Variants in GRM8 observed in about 807,000 individuals in gnomAD.
GRM8 encodes the protein glutamate metabotropic receptor 8, also known as metabotropic glutamate receptor 8.
Under a neutral mutation model 87.2 loss-of-function variants are expected in GRM8, and 47 were observed. That is an observed-to-expected ratio of 0.54 (90% CI 0.43 to 0.69). The LOEUF (loss-of-function observed/expected upper bound fraction) is 0.69. Among genes scored for constraint, GRM8 ranks in the 30% least tolerant of loss-of-function variants. The pLI, the probability that GRM8 is intolerant of heterozygous loss-of-function variation, is 0.00. For missense variants in GRM8, 1,019 were observed against 1,139.2 expected (o/e 0.89, Z 1.52); for synonymous variants, 396 against 404.5 (o/e 0.98, Z 0.25).
intron 7 of GRM8, among the ~76,000 whole-genome samples, chr7:126,616,854 T>A (rs577584079): frequency 1.3e-5 from 2 of 152,144 alleles, no homozygotes; most frequent in African/African-American, 4.8e-5. Flanking sequence ...AACAGACCAA[T>A]AACAGGCTCT....
At chr7:126,951,222 C>A (rs1373292133) in intron 3 of GRM8, among the ~76,000 whole-genome samples, 8 of 151,952 alleles carry the variant, frequency 5.3e-5, no homozygotes, top group Admixed American at 6.6e-5. Context: ...ACATAACTGC[C>A]CATTTGTACA....
At chr7:127,083,076 G>A (rs943410986) in intron 3 of GRM8, among the ~76,000 whole-genome samples, 1 of 152,160 alleles carries the variant, frequency 6.6e-6, no homozygotes, top group Non-Finnish European at 1.5e-5. Flanking sequence ...AATAATATTT[G>A]TCCACATACC....
At chr7:126,696,429 G>A (rs993002485) in intron 7 of GRM8, among the ~76,000 whole-genome samples, 2 of 151,930 alleles carry the variant, frequency 1.3e-5, no homozygotes, top group African/African-American at 4.8e-5. Context: ...TCCCCTCCCT[G>A]TATCCATCTG....
At chr7:126,475,885 G>A (rs906455551) in intron 9 of GRM8, among the ~76,000 whole-genome samples, 4 of 152,126 alleles carry the variant, frequency 2.6e-5, no homozygotes, top group African/African-American at 4.8e-5. Context: ...CCAACAAATG[G>A]TGGTGGGAAA....
chr7:127,138,826 A>G (rs1396530717), intron 2 of GRM8, among the ~76,000 whole-genome samples: 1 of 152,100 alleles, frequency 6.6e-6, no homozygotes, highest in African/African-American at 2.4e-5. Context: ...CACCCTCTCT[A>G]TCTTAAACAA....
chr7:127,026,703 A>T (rs554381649), intron 3 of GRM8, among the ~76,000 whole-genome samples: 1 of 151,920 alleles, frequency 6.6e-6, no homozygotes, highest in East Asian at 1.9e-4. Context: ...TTTTTCTTGT[A>T]AATTTGTTTA....
intron 6 of GRM8, among the ~76,000 whole-genome samples, chr7:126,787,851 T>C (rs926747364): frequency 7.2e-5 from 11 of 152,174 alleles, no homozygotes; most frequent in Admixed American, 6.6e-5. Flanking sequence ...GGGTAAATTC[T>C]ACTGAAATGT....
At chr7:126,892,021 T>TAAAAAAAAA (rs5887316) in intron 6 of GRM8, among the ~76,000 whole-genome samples, 1 of 95,068 alleles carries the variant, frequency 1.1e-5, no homozygotes, top group African/African-American at 4.2e-5. Flanking sequence ...TCTTGCAGGG[T>TAAAAAAAAA]AAAAAAAAAA....
At chr7:127,128,668 T>G (rs1221962717) in intron 2 of GRM8, among the ~76,000 whole-genome samples, 1 of 152,188 alleles carries the variant, frequency 6.6e-6, no homozygotes, top group Non-Finnish European at 1.5e-5. Context: ...AAACTGAGAC[T>G]TGAAAGTTAG....
At chr7:126,808,700 A>C (rs1179123216) in intron 6 of GRM8, among the ~76,000 whole-genome samples, 1 of 152,192 alleles carries the variant, frequency 6.6e-6, no homozygotes, top group African/African-American at 2.4e-5. Context: ...CTGTGATAAA[A>C]TCCCTGAAAT....
chr7:126,530,397 C>T (rs950491280), intron 9 of GRM8, among the ~76,000 whole-genome samples: 3 of 152,358 alleles, frequency 2.0e-5, no homozygotes, highest in Non-Finnish European at 1.5e-5. Context: ...CACCATCTTC[C>T]CCCGCCCTTG....
intron 6 of GRM8, among the ~76,000 whole-genome samples, chr7:126,897,303 G>C (rs1801638039): frequency 6.6e-6 from 1 of 152,018 alleles, no homozygotes; most frequent in Admixed American, 6.6e-5. Flanking sequence ...AAAAAGTAAA[G>C]CAAAACTTCT....
intron 3 of GRM8, among the ~76,000 whole-genome samples, chr7:126,969,087 T>A (rs563369517): frequency 6.6e-6 from 1 of 152,326 alleles, no homozygotes; most frequent in Non-Finnish European, 1.5e-5. Context: ...CTTTAAAATA[T>A]TTTATTGCTA....
chr7:126,809,260 A>G (rs1410628545), intron 6 of GRM8, among the ~76,000 whole-genome samples: 4 of 152,180 alleles, frequency 2.6e-5, no homozygotes, highest in Admixed American at 6.5e-5. Context: ...TCTTAATTCC[A>G]TCTACAAACT....
At chr7:127,030,066 G>A (rs1200699597) in intron 3 of GRM8, among the ~76,000 whole-genome samples, 1 of 152,082 alleles carries the variant, frequency 6.6e-6, no homozygotes, top group East Asian at 1.9e-4. Flanking sequence ...CAGGTGAGGA[G>A]TGGGGTTTTC....
intron 3 of GRM8, among the ~76,000 whole-genome samples, chr7:126,975,263 T>C (rs1008223297): frequency 3.9e-5 from 6 of 152,140 alleles, no homozygotes; most frequent in African/African-American, 9.7e-5. Flanking sequence ...AAGGAGAGTA[T>C]AGCACAGTTA....
intron 2 of GRM8, among the ~76,000 whole-genome samples, chr7:127,191,887 A>G (rs1199000454): frequency 6.6e-6 from 1 of 152,054 alleles, no homozygotes; most frequent in Non-Finnish European, 1.5e-5. Flanking sequence ...TCTGTTGTTT[A>G]TTTGGGGCTG....
At chr7:126,799,360 T>C (rs765037231) in intron 6 of GRM8, among the ~76,000 whole-genome samples, 1 of 152,036 alleles carries the variant, frequency 6.6e-6, no homozygotes, top group Non-Finnish European at 1.5e-5. Context: ...GTGAGACAAA[T>C]AAGAAGATGG....
rs375563287 is a variant in GRM8, at chr7:127,125,765, A to AACACACACACACACACAC, written c.511-19071_511-19054dup. Among the ~76,000 whole-genome samples the AACACACACACACACACAC allele has an allele frequency of 6.4e-3, 902 of 141,144 alleles. 6 individuals are homozygous for AACACACACACACACACAC. Among genetic ancestry groups the AACACACACACACACACAC allele is most frequent in the South Asian group, 0.013 (56 of 4,350 alleles). 92.6% of individuals were successfully genotyped at this position (141,144 alleles called of 152,430 possible). A position where few individuals can be genotyped will look rare whatever the true frequency, so the allele number is the denominator to read the frequency against. ...AATTTATAAGGAACTCAAACAACTAAACACACACACACACACACACACACA... is the reference window on the plus strand; with the variant it reads ...AATTTATAAGGAACTCAAACAACTAAACACACACACACACACACACACACACACACACACACACACACA... On this transcript the variant is annotated intron_variant, in intron 2 of 10. Transcript: ENST00000339582.
Sources: allele counts gnomAD v4.1 joint callset (sites outside exome capture counted in the v4.1 genomes callset), GRCh38; gene constraint gnomAD v4.1.1; transcripts MANE v1.5; gene names NCBI Gene and HGNC (gene_info 2026-07-23, HGNC 2026-07-21).